Variants in EPHA8 observed in about 807,000 individuals in gnomAD.
The protein encoded by EPHA8 is EPH receptor A8.
A neutral mutation model predicts 103.6 loss-of-function variants in EPHA8; 58 were observed. The observed-to-expected ratio is 0.56, with a 90% confidence interval of 0.45 to 0.70. EPHA8 has a LOEUF of 0.70. Among genes scored for constraint, EPHA8 ranks in the 30% least tolerant of loss-of-function variants. The pLI, the probability that EPHA8 is intolerant of heterozygous loss-of-function variation, is 0.00. For synonymous variants in EPHA8, 559 were observed against 572.5 expected (o/e 0.98, Z 0.34); for missense variants, 1,304 against 1,395.2 (o/e 0.93, Z 1.04).
intron 2 of EPHA8, among the ~76,000 whole-genome samples, chr1:22,570,162 A>G (rs1640483497): frequency 6.6e-6 from 1 of 152,184 alleles, no homozygotes; most frequent in Non-Finnish European, 1.5e-5. Context: ...TATAATGATC[A>G]TTAACATTGT....
At chr1:22,590,200 G>A (rs1359806915) in intron 5 of EPHA8, among the ~76,000 whole-genome samples, 7 of 152,016 alleles carry the variant, frequency 4.6e-5, no homozygotes, top group East Asian at 1.9e-4. Flanking sequence ...TATGTGCCCC[G>A]TGGTAGAGCC....
rs150964144 is a variant in EPHA8, at chr1:22,601,645, C to T, written c.2922C>T (p.Gly974=). Residue 974 remains glycine (G), a synonymous_variant, in exon 17 of 17, where the codon GGC becomes GGT. Transcript: ENST00000166244. ...TTCACAGGGACGTGCGCGCCCTGGGCATCACCCTCATGGGCCACCAGAAGA... is the reference window on the plus strand; with the variant it reads ...TTCACAGGGACGTGCGCGCCCTGGGTATCACCCTCATGGGCCACCAGAAGA... ...RMNAQDVRAL[G]ITLMGHQKKI... 2,408 of 1,593,498 alleles carry T rather than the reference C, an allele frequency of 1.5e-3. 35 individuals are homozygous for T. The South Asian group carries it at 0.019, about 13-fold the overall frequency.
chr1:22,589,623 C>T lies in EPHA8; in HGVS notation c.1315+417C>T. On this transcript the variant is annotated intron_variant, in intron 5 of 16. Coordinates refer to ENST00000166244, the MANE Select transcript of EPHA8 (RefSeq NM_020526.5). This position sits in a 1 kb window ranked among gnomAD's most constrained non-coding sequence, Gnocchi z 4.3. ...AATAAATGTCATTAAAAAATAAAAT[C>T]ACTCGGATGATCATTTTCCAGAACA... 4 of 1,247,338 alleles carry T rather than the reference C, an allele frequency of 3.2e-6. No individual in the cohort carries two copies. Among genetic ancestry groups the T allele is most frequent in the Non-Finnish European group, 4.0e-6 (4 of 997,490 alleles). 77.3% of individuals were successfully genotyped at this position (1,247,338 alleles called of 1,614,324 possible).
Position 22,601,928 on chromosome 1 carries a change from T to G in EPHA8, c.*187T>G. On this transcript the variant is annotated 3_prime_UTR_variant, in exon 17 of 17. Transcript: ENST00000166244. ...GGGGTCAGGCGCCTGGGAAGGGGCCTTTGGTGGCCACCCTGGTGAGGACAC... is the reference window on the plus strand; with the variant it reads ...GGGGTCAGGCGCCTGGGAAGGGGCCGTTGGTGGCCACCCTGGTGAGGACAC... The G allele has an allele frequency of 1.6e-6, 1 of 636,724 alleles. No individual in the cohort carries two copies. Among genetic ancestry groups the G allele is most frequent in the South Asian group, 2.0e-5 (1 of 51,200 alleles). 39.4% of individuals were successfully genotyped at this position (636,724 alleles called of 1,614,324 possible). A position where few individuals can be genotyped will look rare whatever the true frequency, so the allele number is the denominator to read the frequency against.
intron 4 of EPHA8, 141 bp downstream of exon 4, chr1:22,586,776 G>A: frequency 9.8e-7 from 1 of 1,018,332 alleles, no homozygotes; most frequent in South Asian, 1.7e-5. Context: ...AGGCCAGTCT[G>A]AGGTGGGGGG....
chr1:22,598,863 T>A lies in EPHA8; in HGVS notation c.2204T>A (p.Met735Lys). Residue 735 changes from methionine to lysine, a missense_variant, in exon 13 of 17, where the codon ATG becomes AAG. Met to Lys is a moderately conservative substitution (Grantham distance 95, BLOSUM62 -1). Transcript: ENST00000166244. This position sits in a 1 kb window ranked among gnomAD's most constrained non-coding sequence, Gnocchi z 5.1. ...ACCCACGACGGGCAGTTCACCATCA[T>A]GCAGCTGGTGGGCATGCTGAGAGGA... ...LRTHDGQFTI[M>K]QLVGMLRGVG... 6.2e-7 allele frequency: 1 copy of A among 1,612,692 alleles called. No homozygotes were observed. The highest frequency in any genetic ancestry group is 1.1e-5 in the South Asian group (1 of 91,024).
At chr1:22,587,116 C>A (rs573405914) in intron 4 of EPHA8, among the ~76,000 whole-genome samples, 1 of 152,262 alleles carries the variant, frequency 6.6e-6, no homozygotes, top group East Asian at 1.9e-4. Flanking sequence ...CCATGGAGTT[C>A]GAATATCTGA....
At chr1:22,587,710 G>T (rs1266529294) in intron 4 of EPHA8, among the ~76,000 whole-genome samples, 1 of 152,138 alleles carries the variant, frequency 6.6e-6, no homozygotes, top group African/African-American at 2.4e-5. Context: ...CTCTGAATCT[G>T]CCCAAGCATC....
At position 22,597,255 on chromosome 1, in the gene EPHA8, G is replaced by T; in HGVS notation, c.1766-57G>T. ...CAGACCCATCCCAGGCCCAGGGAAT[G>T]TCAGGAAAAAGCAATCTCTCCTGGG... On this transcript the variant is annotated intron_variant, in intron 9 of 16. Coordinates refer to ENST00000166244, the MANE Select transcript of EPHA8 (RefSeq NM_020526.5). This position sits in a 1 kb window ranked among gnomAD's most constrained non-coding sequence, Gnocchi z 4.6. 2 of 1,429,452 alleles carry T rather than the reference G, an allele frequency of 1.4e-6. No homozygotes were observed. The highest frequency in any genetic ancestry group is 1.9e-6 in the Non-Finnish European group (2 of 1,045,852). 88.5% of individuals were successfully genotyped at this position (1,429,452 alleles called of 1,614,324 possible).
intron 3 of EPHA8, among the ~76,000 whole-genome samples, 179 bp downstream of exon 3, chr1:22,577,059 G>A (rs1166094259): frequency 6.6e-6 from 1 of 152,202 alleles, no homozygotes; most frequent in African/African-American, 2.4e-5. Context: ...GGCCACCTGT[G>A]TCCGTGTGTT....
At chr1:22,587,244 G>A (rs1390418467) in intron 4 of EPHA8, among the ~76,000 whole-genome samples, 1 of 152,238 alleles carries the variant, frequency 6.6e-6, no homozygotes, top group Non-Finnish European at 1.5e-5. Flanking sequence ...AATGTGTGAC[G>A]TGTAGTTGAG....
rs939451126 is a variant in EPHA8, at chr1:22,577,028, C to T, written c.823+148C>T. 1.0e-5 allele frequency: 10 copies of T among 990,614 alleles called. No homozygotes were observed. In the African/African-American group the frequency reaches 1.6e-4, roughly 16 times the overall value. 61.4% of individuals were successfully genotyped at this position (990,614 alleles called of 1,614,324 possible). The stretch of plus-strand genomic sequence containing the variant: ...GGAAGATGGATAAACCTCCAGTGTT[C>T]CTACATCAGGAAATATGCGAGGCCA... On this transcript the variant is annotated intron_variant, in intron 3 of 16. Transcript: ENST00000166244.
intron 3 of EPHA8, among the ~76,000 whole-genome samples, chr1:22,578,697 C>G (rs1006230395): frequency 1.2e-4 from 18 of 145,146 alleles, no homozygotes; most frequent in African/African-American, 4.2e-4. Context: ...GTATGTGTGC[C>G]TGTGTGTGTA....
rs577285023 is a variant in EPHA8 at position 22,601,812 on chromosome 1, G to T, written c.*71G>T. 9.6e-3 allele frequency: 13,741 copies of T among 1,434,512 alleles called. 82 individuals are homozygous for T. Among genetic ancestry groups the T allele is most frequent in the Middle Eastern group, 0.011 (47 of 4,310 alleles). 88.9% of individuals were successfully genotyped at this position (1,434,512 alleles called of 1,614,324 possible). A position where few individuals can be genotyped will look rare whatever the true frequency, so the allele number is the denominator to read the frequency against. Reference sequence around the variant, plus strand: ...CATGCCAGCGGCAGAGGACGTGAGGGGCTGGCAGCAGGCAGGGCGGCCCCA... The same window carrying T: ...CATGCCAGCGGCAGAGGACGTGAGGTGCTGGCAGCAGGCAGGGCGGCCCCA... On this transcript the variant is annotated 3_prime_UTR_variant, in exon 17 of 17. Transcript: ENST00000166244.
chr1:22,596,685 A>G (rs968434780), intron 9 of EPHA8, among the ~76,000 whole-genome samples: 29 of 151,268 alleles, frequency 1.9e-4, no homozygotes, highest in African/African-American at 5.8e-4. Context: ...TTTCTGAGAC[A>G]GAGTCTCACT....
At chr1:22,587,095 T>C (rs1286999304) in intron 4 of EPHA8, among the ~76,000 whole-genome samples, 1 of 152,224 alleles carries the variant, frequency 6.6e-6, no homozygotes, top group African/African-American at 2.4e-5. Context: ...TGTGTGCATA[T>C]GTGTGTGTAC....
At chr1:22,578,444 ATG>A (rs1640854272) in intron 3 of EPHA8, among the ~76,000 whole-genome samples, 1 of 116,702 alleles carries the variant, frequency 8.6e-6, no homozygotes, top group Admixed American at 7.9e-5. Context: ...ACGTGTGTGC[ATG>A]TGTGCGAGTG....
At position 22,597,963 on chromosome 1, in the gene EPHA8, C is replaced by T; in HGVS notation, c.2116+102C>T. On this transcript the variant is annotated intron_variant, in intron 11 of 16. Transcript: ENST00000166244. This position sits in a 1 kb window ranked among gnomAD's most constrained non-coding sequence, Gnocchi z 4.6. ...CCATCCTGCTCTGCCCCACCTGACCCTGTCCTCTTGGTTCAGGTCCCTGAA... is the reference window on the plus strand; with the variant it reads ...CCATCCTGCTCTGCCCCACCTGACCTTGTCCTCTTGGTTCAGGTCCCTGAA... 1 of 1,501,110 alleles carries T rather than the reference C, an allele frequency of 6.7e-7. No individual in the cohort carries two copies. The highest frequency in any genetic ancestry group is 9.1e-7 in the Non-Finnish European group (1 of 1,098,834). The allele number at this position is 1,501,110 out of a possible 1,614,324, so 93.0% of individuals were successfully genotyped here.
At chr1:22,564,602 G>T (rs1640302216) in intron 1 of EPHA8, among the ~76,000 whole-genome samples, 1 of 152,000 alleles carries the variant, frequency 6.6e-6, no homozygotes, top group African/African-American at 2.4e-5. Context: ...TCTGGGAAAT[G>T]ACTTCTGGTG....
Sources: gnomAD v4.1 joint callset for allele counts (sites outside exome capture counted in the v4.1 genomes callset) on GRCh38, gnomAD v4.1.1 for gene constraint, Gnocchi (gnomAD v3.1) non-coding constraint, MANE v1.5 for transcripts, NCBI Gene and HGNC (gene_info 2026-07-23, HGNC 2026-07-21) for gene names.